Variants in ACY3 observed in about 807,000 individuals in gnomAD.
ACY3 encodes aminoacylase 3.
ACY3 carries 20 observed loss-of-function variants against 24.6 expected under a neutral mutation model. The ratio of observed to expected loss-of-function variants is 0.81; its 90% CI spans 0.57 to 1.18. ACY3 has a LOEUF of 1.18. Among genes scored for constraint, ACY3 ranks in the 50% most tolerant of loss-of-function variants. The probability of loss-of-function intolerance (pLI) is 0.00; values close to 1 mark genes in which losing one functional copy is unlikely to be tolerated. For missense variants in ACY3, 423 were observed against 426.8 expected, an observed-to-expected ratio of 0.99 and a Z score of 0.08; for synonymous variants, 174 against 188.4, an observed-to-expected ratio of 0.92 and a Z score of 0.62.
Position 67,642,637 on chromosome 11 carries a change from T to TG in ACY3, c.*86dup. The TG allele has an allele frequency of 7.2e-7, 1 of 1,390,060 alleles. No homozygotes were observed. The highest frequency in any genetic ancestry group is 1.7e-5 in the Admixed American group (1 of 59,356). 86.1% of individuals were successfully genotyped at this position (1,390,060 alleles called of 1,614,324 possible). A position where few individuals can be genotyped will look rare whatever the true frequency, so the allele number is the denominator to read the frequency against. ...GGCAAGGAACATGGTGCATGGTAGG[T>TG]GGCAGAAGGGACCTCTGTGCTCAGA... On this transcript the variant is annotated 3_prime_UTR_variant, in exon 8 of 8. Transcript: ENST00000255082.
At chr11:67,645,530 G>C (rs1408396851) in intron 4 of ACY3, 150 bp from the exon 5 acceptor site, 4 of 1,228,100 alleles carry the variant, frequency 3.3e-6, no homozygotes, top group African/African-American at 1.5e-5. Flanking sequence ...GGGGTACCGG[G>C]GGCCTGGAGT....
rs372031483 is a variant in ACY3 at position 67,645,756 on chromosome 11, C to A, written c.368G>T (p.Gly123Val). 1 of 1,613,676 alleles carries A rather than the reference C, an allele frequency of 6.2e-7. No individual in the cohort carries two copies. Among genetic ancestry groups the A allele is most frequent in the African/African-American group, 1.3e-5 (1 of 74,898 alleles). Residue 123 changes from glycine to valine, a missense_variant, in exon 4 of 8, where the codon GGC (glycine) becomes GTC (valine). Transcript: ENST00000255082. ...LDLHNTTANM[G>V]TCLIAKSSHE... is the part of the protein sequence containing the mutation. The stretch of plus-strand genomic sequence containing the variant: ...GGAGGACTTCGCGATTAAGCAGGTG[C>A]CCATGTTGGCCGTGGTGTTGTGCAG...
Position 67,642,662 on chromosome 11 carries a change from A to G in ACY3, c.*62T>C. The G allele has an allele frequency of 6.4e-7, 1 of 1,560,820 alleles. No homozygotes were observed. Among genetic ancestry groups the G allele is most frequent in the Non-Finnish European group, 8.8e-7 (1 of 1,132,142 alleles). On this transcript the variant is annotated 3_prime_UTR_variant, in exon 8 of 8. Coordinates refer to ENST00000255082, the MANE Select transcript of ACY3 (RefSeq NM_080658.2). ...TGGCAGAAGGGACCTCTGTGCTCAG[A>G]GCTGTGCCTCAGGACCCATCGTTCA... is the stretch of plus-strand genomic sequence containing the variant.
intron 1 of ACY3, among the ~76,000 whole-genome samples, chr11:67,648,981 G>A (rs1197205521): frequency 6.6e-6 from 1 of 152,112 alleles, no homozygotes; most frequent in African/African-American, 2.4e-5. Context: ...GGAGGGCAGA[G>A]ACTGCCATTA....
intron 7 of ACY3, 101 bp from the exon 8 acceptor site, chr11:67,643,040 T>C: frequency 9.7e-7 from 1 of 1,032,434 alleles, no homozygotes; most frequent in Non-Finnish European, 1.4e-6. Flanking sequence ...CCCTCATTCA[T>C]GGCTTTTCCC....
rs140883835 is a variant in ACY3 at position 67,645,590 on chromosome 11, C to T, written c.432+102G>A. ...ACTGGAGCCCAGGGGAAACTAGGCC[C>T]GGGGAAGAGGGGCTAAGCAAAGGAG... On this transcript the variant is annotated intron_variant, in intron 4 of 7. Transcript: ENST00000255082. The T allele has an allele frequency of 5.4e-4, 763 of 1,418,010 alleles. 4 individuals carry two copies. In the African/African-American group the frequency reaches 9.9e-3, roughly 18 times the overall value. 87.8% of individuals were successfully genotyped at this position (1,418,010 alleles called of 1,614,324 possible).
At chr11:67,645,015 C>T (rs1213289703) in intron 6 of ACY3, 30 bp downstream of exon 6, 2 of 1,609,526 alleles carry the variant, frequency 1.2e-6, no homozygotes, top group Non-Finnish European at 1.7e-6. Context: ...TTCCCCGGAC[C>T]TGTTTCCCGA....
rs533005301 is a variant in ACY3 at position 67,646,869 on chromosome 11, A to T, written c.175T>A (p.Ser59Thr). 1 of 1,612,606 alleles carries T rather than the reference A, an allele frequency of 6.2e-7. No homozygotes were observed. The highest frequency in any genetic ancestry group is 8.5e-7 in the Non-Finnish European group (1 of 1,179,828). The change falls in exon 3 of 8, where the codon TCC becomes ACC. Residue 59 changes from serine to threonine, a missense_variant. Coordinates refer to ENST00000255082, the MANE Select transcript of ACY3 (RefSeq NM_080658.2). Reference sequence around the variant, plus strand: ...TGGTCCACGTAGCGGCGGCAGCCGGATGTGGCTGCCGGGTTGGCCAGCACA... The same window carrying T: ...TGGTCCACGTAGCGGCGGCAGCCGGTTGTGGCTGCCGGGTTGGCCAGCACA... ...VPVLANPAAT[S>T]GCRRYVDHDL...
chr11:67,647,351 C>T (rs148285353), intron 2 of ACY3, among the ~76,000 whole-genome samples, 165 bp downstream of exon 2: 165 of 152,322 alleles, frequency 1.1e-3, no homozygotes, highest in Middle Eastern at 3.4e-3. Context: ...AAGAGGACTG[C>T]GCTCCTTTTT....
rs763229827 is a variant in ACY3, at chr11:67,642,843, CG to C, written c.840del (p.Val281CysfsTer31). 5 of 1,613,994 alleles carry C rather than the reference CG, an allele frequency of 3.1e-6. No individual in the cohort carries two copies. The Admixed American group carries it at 5.0e-5, about 16-fold the overall frequency. ...TAGTAGGCAGCCTCGTTAATGAACA[CG>C]GGGTACACCGTGGACTCTCCCTCAT... ...LLYEGESTVY[P>X]VFINEAAYYE... On this transcript the variant is annotated frameshift_variant, in exon 8 of 8. Transcript: ENST00000255082. LOFTEE classifies it low-confidence loss of function (END_TRUNC).
rs1298381365 is a variant in ACY3 at position 67,645,109 on chromosome 11, G to A, written c.570C>T (p.Asp190=). The A allele has an allele frequency of 1.2e-6, 2 of 1,613,610 alleles. No individual in the cohort carries two copies. Among genetic ancestry groups the A allele is most frequent in the South Asian group, 1.1e-5 (1 of 91,086 alleles). The change falls in exon 6 of 8, where the codon GAC becomes GAT. Residue 190 remains aspartate, a synonymous_variant. Transcript: ENST00000255082. The part of the protein sequence containing the change: ...GPQPQGVLRA[D]IFSRMRTLVA... The stretch of plus-strand genomic sequence containing the variant: ...CCAGGGTCCTCATCCTTGAGAAAAT[G>A]TCAGCCCGCAGCACACCCTGTGGCT...
In ACY3 at chr11:67,645,823, C is replaced by G. The variant is rs140175127; in HGVS notation, c.301G>C (p.Gly101Arg). ...TRARELNQLL[G>R]PKASGQAFDF... ...AAGGCCTGGCCCGAGGCCTTGGGCCCCAGCAGCTGGTTCAGCTCTCGGGCT... is the reference window on the plus strand; with the variant it reads ...AAGGCCTGGCCCGAGGCCTTGGGCCGCAGCAGCTGGTTCAGCTCTCGGGCT... The change falls in exon 4 of 8, where the codon GGG (glycine) becomes CGG (arginine). Residue 101 changes from glycine (G) to arginine (R), a missense_variant. By Grantham distance (125) the Gly-to-Arg change is moderately radical (BLOSUM62 -2). Transcript: ENST00000255082. 9.9e-6 allele frequency: 16 copies of G among 1,613,660 alleles called. No homozygotes were observed. Among genetic ancestry groups the G allele is most frequent in the Admixed American group, 1.7e-5 (1 of 59,952 alleles).
rs2134111438 is a variant in ACY3 at position 67,646,921 on chromosome 11, C to T, written c.123G>A (p.Leu41=). The T allele has an allele frequency of 6.2e-7, 1 of 1,609,202 alleles. No homozygotes were observed. Among genetic ancestry groups the T allele is most frequent in the Non-Finnish European group, 8.5e-7 (1 of 1,178,114 alleles). The part of the protein sequence containing the change: ...ARHWLHAPAE[L]QRASFSAVPV... ...GCACAGCGGAGAAGCTGGCTCTCTG[C>T]AGCTCTGCGGGGGCATGCAGCCAGT... is the stretch of plus-strand genomic sequence containing the variant. Residue 41 remains leucine, a synonymous_variant, in exon 3 of 8, where the codon CTG becomes CTA. Transcript: ENST00000255082.
chr11:67,643,899 T>C (rs1451185957), intron 7 of ACY3, among the ~76,000 whole-genome samples: 1 of 147,736 alleles, frequency 6.8e-6, no homozygotes, highest in Non-Finnish European at 1.5e-5. Context: ...GGAGGCTGAG[T>C]CAGGAGAATC....
rs1855426621 is a variant in ACY3, at chr11:67,642,630, T to C, written c.*94A>G. The C allele has an allele frequency of 3.8e-6, 5 of 1,306,548 alleles. No homozygotes were observed. Among genetic ancestry groups the C allele is most frequent in the South Asian group, 3.6e-5 (3 of 83,958 alleles). The allele number at this position is 1,306,548 out of a possible 1,614,324, so 80.9% of individuals were successfully genotyped here. On this transcript the variant is annotated 3_prime_UTR_variant, in exon 8 of 8. Coordinates refer to ENST00000255082, the MANE Select transcript of ACY3 (RefSeq NM_080658.2). Reference sequence around the variant, plus strand: ...GAGGCCTGGCAAGGAACATGGTGCATGGTAGGTGGCAGAAGGGACCTCTGT... The same window carrying C: ...GAGGCCTGGCAAGGAACATGGTGCACGGTAGGTGGCAGAAGGGACCTCTGT...
At chr11:67,646,068 G>T (rs376211378) in intron 3 of ACY3, among the ~76,000 whole-genome samples, 181 bp from the exon 4 acceptor site, 1 of 152,144 alleles carries the variant, frequency 6.6e-6, no homozygotes, top group East Asian at 1.9e-4. Context: ...TGCACTTCCC[G>T]GTAAAATCCA....
Position 67,643,015 on chromosome 11 carries a change from A to G in ACY3, c.745-76T>C, listed in dbSNP as rs576628970. On this transcript the variant is annotated intron_variant, in intron 7 of 7. Transcript: ENST00000255082. ...CCCAGAGGGGGGTGACCCCAGCTTG[A>G]CACCCAAAAGATGCCCCTCATTCAT... is the stretch of plus-strand genomic sequence containing the variant. 2.7e-5 allele frequency: 37 copies of G among 1,355,248 alleles called. No individual in the cohort carries two copies. In the Admixed American group the frequency reaches 6.3e-4, roughly 23 times the overall value. 84.0% of individuals were successfully genotyped at this position (1,355,248 alleles called of 1,614,324 possible).
At position 67,645,342 on chromosome 11, in the gene ACY3, G is replaced by A; in HGVS notation, c.471C>T (p.Tyr157=). The change falls in exon 5 of 8, where the codon TAC becomes TAT. Residue 157 remains tyrosine (Y), a synonymous_variant. Coordinates refer to ENST00000255082, the MANE Select transcript of ACY3 (RefSeq NM_080658.2). ...TGTAGCTCTCCTCCCCAGACCGCTG[G>A]TACAGGAAGACCTGGCAGGACAGCT... ...YPELSCQVFL[Y]QRSGEESYNL... 4 of 1,613,746 alleles carry A rather than the reference G, an allele frequency of 2.5e-6. No individual in the cohort carries two copies. Among genetic ancestry groups the A allele is most frequent in the Non-Finnish European group, 2.5e-6 (3 of 1,180,008 alleles).
rs142720670 is a variant in ACY3, at chr11:67,645,127, C to T, written c.552G>A (p.Gln184=). The change falls in exon 6 of 8, where the codon CAG becomes CAA. Residue 184 remains glutamine (Q), a synonymous_variant. Transcript: ENST00000255082. The part of the protein sequence containing the change: ...GLGLELGPQP[Q]GVLRADIFSR... ...AGAAAATGTCAGCCCGCAGCACACC[C>T]TGTGGCTGGGGGCCCAGCTCCAGAC... is the stretch of plus-strand genomic sequence containing the variant. The T allele has an allele frequency of 6.7e-4, 1,077 of 1,613,246 alleles. 2 individuals carry two copies. The highest frequency in any genetic ancestry group is 7.9e-4 in the Non-Finnish European group (936 of 1,179,730).
Sources: allele counts gnomAD v4.1 joint callset (sites outside exome capture counted in the v4.1 genomes callset), GRCh38; gene constraint gnomAD v4.1.1; transcripts MANE v1.5; gene names NCBI Gene and HGNC (gene_info 2026-07-23, HGNC 2026-07-21).